CMSS1: variants seen among roughly 807,000 people sequenced by gnomAD.
CMSS1 encodes cms1 ribosomal small subunit homolog, also known as protein CMSS1.
A neutral mutation model predicts 43.5 loss-of-function variants in CMSS1; 33 were observed. The observed-to-expected ratio is 0.76, with a 90% CI of 0.57 to 1.01. The LOEUF (loss-of-function observed/expected upper bound fraction) is 1.01, where lower values mean the gene tolerates loss of function less well. Among genes scored for constraint, CMSS1 ranks in the 50% least tolerant of loss-of-function variants. The pLI, the probability that CMSS1 is intolerant of heterozygous loss-of-function variation, is 0.00. For missense variants in CMSS1, 313 were observed against 326.4 expected (o/e 0.96, Z 0.32); for synonymous variants, 115 against 117.2 (o/e 0.98, Z 0.12).
intron 1 of CMSS1, among the ~76,000 whole-genome samples, chr3:99,923,205 C>T (rs1004823111): frequency 3.3e-5 from 5 of 152,090 alleles, no homozygotes; most frequent in African/African-American, 1.2e-4. Context: ...ACACCAACAC[C>T]CACAGTTTCA....
intron 1 of CMSS1, among the ~76,000 whole-genome samples, chr3:100,053,999 C>G (rs771441709): frequency 1.3e-5 from 2 of 152,206 alleles, no homozygotes; most frequent in Non-Finnish European, 2.9e-5. Context: ...TCTGGACATT[C>G]GGCTTACTTA....
rs1302419931 is a variant in CMSS1 at position 100,179,819 on chromosome 3, C to T, written c.*1431C>T. ...GGACTCTGTGTAGGGTCTCCAACCC[C>T]ACATTTCCCCTCTGCACTGCCCTAG... On this transcript the variant is annotated 3_prime_UTR_variant, in exon 10 of 10. Coordinates refer to ENST00000421999, the MANE Select transcript of CMSS1 (RefSeq NM_032359.4). 1 of 152,290 alleles carries T rather than the reference C, an allele frequency of 6.6e-6. No individual in the cohort carries two copies. Among genetic ancestry groups the T allele is most frequent in the Non-Finnish European group, 1.5e-5 (1 of 68,090 alleles). 9.4% of individuals were successfully genotyped at this position (152,290 alleles called of 1,614,324 possible). A position where few individuals can be genotyped will look rare whatever the true frequency, so the allele number is the denominator to read the frequency against.
chr3:99,898,767 A>T (rs1706343131), intron 1 of CMSS1: 1 of 80,508 alleles, frequency 1.2e-5, no homozygotes, highest in Non-Finnish European at 3.3e-5. Context: ...CTCCATCTAA[A>T]AAAAAAAAAA....
At chr3:99,963,635 G>C (rs1040884171) in intron 1 of CMSS1, among the ~76,000 whole-genome samples, 1 of 150,912 alleles carries the variant, frequency 6.6e-6, no homozygotes, top group Admixed American at 6.6e-5. Context: ...TTTTTTAGAC[G>C]GAGTGTCGCT....
intron 1 of CMSS1, among the ~76,000 whole-genome samples, chr3:100,099,544 T>C (rs1004421513): frequency 2.6e-5 from 4 of 152,178 alleles, no homozygotes; most frequent in African/African-American, 7.2e-5. Context: ...TATGTATCCT[T>C]AACTAAGTCA....
intron 1 of CMSS1, among the ~76,000 whole-genome samples, chr3:100,008,677 G>A (rs1031157072): frequency 4.6e-5 from 7 of 152,214 alleles, no homozygotes; most frequent in Admixed American, 1.3e-4. Context: ...GCAACATTCA[G>A]CATTGTACTT....
At chr3:100,087,210 C>G (rs916962308) in intron 1 of CMSS1, among the ~76,000 whole-genome samples, 1 of 152,220 alleles carries the variant, frequency 6.6e-6, no homozygotes, top group Non-Finnish European at 1.5e-5. Context: ...GAGTGTTTCT[C>G]TAGGAGTGGA....
At chr3:99,849,318 A>G (rs763701185) in intron 1 of CMSS1, 8 of 1,614,158 alleles carry the variant, frequency 5.0e-6, no homozygotes, top group Non-Finnish European at 5.9e-6. Context: ...TTCTTCTTCC[A>G]TTGAGACTAG....
chr3:99,851,805 CACA>C (rs753945624), intron 1 of CMSS1, among the ~76,000 whole-genome samples: 3 of 152,180 alleles, frequency 2.0e-5, no homozygotes, highest in Non-Finnish European at 4.4e-5. Flanking sequence ...TTTGCACTAG[CACA>C]ACATTATTCT....
At chr3:99,979,890 G>A (rs1006579933) in intron 1 of CMSS1, among the ~76,000 whole-genome samples, 2 of 152,154 alleles carry the variant, frequency 1.3e-5, no homozygotes, top group African/African-American at 4.8e-5. Context: ...TTAAAAGAGA[G>A]AGAGCGGGAC....
At chr3:100,081,993 T>C (rs2065939378) in intron 1 of CMSS1, among the ~76,000 whole-genome samples, 1 of 152,200 alleles carries the variant, frequency 6.6e-6, no homozygotes, top group South Asian at 2.1e-4. Flanking sequence ...ATATTTAGAC[T>C]TTAGGCTATC....
intron 1 of CMSS1, among the ~76,000 whole-genome samples, chr3:100,019,854 C>T (rs959712712): frequency 2.0e-5 from 3 of 151,986 alleles, no homozygotes; most frequent in Non-Finnish European, 4.4e-5. Context: ...ATGTACTTGG[C>T]ATGTATGGAA....
intron 1 of CMSS1, among the ~76,000 whole-genome samples, chr3:99,861,252 AC>A (rs1944237454): frequency 6.6e-6 from 1 of 152,222 alleles, no homozygotes; most frequent in Non-Finnish European, 1.5e-5. Flanking sequence ...TGTCAGACTA[AC>A]AGTTTCAGGT....
intron 1 of CMSS1, among the ~76,000 whole-genome samples, chr3:99,938,446 C>T (rs535716057): frequency 2.0e-5 from 3 of 152,286 alleles, no homozygotes; most frequent in East Asian, 1.9e-4. Flanking sequence ...GCTAACTGTA[C>T]GACACTCATG....
rs1197837296 is a variant in CMSS1, at chr3:99,991,903, T to TAC, written c.65-155069_65-155068insCA. Among the ~76,000 whole-genome samples, 4 of 149,816 alleles carry TAC rather than the reference T, an allele frequency of 2.7e-5. No individual in the cohort carries two copies. The East Asian group carries it at 7.8e-4, about 29-fold the overall frequency. The stretch of plus-strand genomic sequence containing the variant: ...ATATATGTATATATGTGTGTATATA[T>TAC]ATACATATATAGGTATATATACACA... On this transcript the variant is annotated intron_variant, in intron 1 of 9. Coordinates refer to ENST00000421999, the MANE Select transcript of CMSS1 (RefSeq NM_032359.4).
At chr3:99,904,784 A>G (rs1014983699) in intron 1 of CMSS1, among the ~76,000 whole-genome samples, 1 of 152,094 alleles carries the variant, frequency 6.6e-6, no homozygotes, top group African/African-American at 2.4e-5. Context: ...TTGCTCTAGA[A>G]TCTTCAATCT....
intron 1 of CMSS1, among the ~76,000 whole-genome samples, chr3:99,926,116 A>G (rs1250243658): frequency 1.3e-5 from 2 of 152,230 alleles, no homozygotes; most frequent in Non-Finnish European, 2.9e-5. Flanking sequence ...TTTAAAGCCA[A>G]TTTAAGTTGT....
At chr3:99,829,831 A>G (rs1025754435) in intron 1 of CMSS1, among the ~76,000 whole-genome samples, 8 of 152,238 alleles carry the variant, frequency 5.3e-5, no homozygotes, top group Non-Finnish European at 4.4e-5. Context: ...GGTATTCTGC[A>G]CAAAGGATAT....
chr3:99,873,993 A>G (rs1705375743), intron 1 of CMSS1, among the ~76,000 whole-genome samples: 1 of 152,236 alleles, frequency 6.6e-6, no homozygotes, highest in Non-Finnish European at 1.5e-5. Flanking sequence ...AGGACTAAGA[A>G]ATTGCTCATC....
Sources: gnomAD v4.1 joint callset for allele counts (sites outside exome capture counted in the v4.1 genomes callset) on GRCh38, gnomAD v4.1.1 for gene constraint, MANE v1.5 for transcripts, NCBI Gene and HGNC (gene_info 2026-07-23, HGNC 2026-07-21) for gene names.